The following PSMB7 variants were observed in gnomAD, a reference collection of about 807,000 sequenced individuals.
PSMB7 encodes proteasome subunit beta type-7.
In PSMB7, 5 loss-of-function variants were observed where a neutral mutation model predicts 28.1. That is an observed-to-expected ratio of 0.18 (90% CI 0.09 to 0.37). The LOEUF (loss-of-function observed/expected upper bound fraction) is 0.37. PSMB7 is among the 10% of genes least tolerant of loss of function. The pLI is 1.00. For synonymous variants in PSMB7, 122 were observed against 123.7 expected (o/e 0.99, Z 0.09); for missense variants, 275 against 346.2 (o/e 0.79, Z 1.63).
intron 7 of PSMB7, among the ~76,000 whole-genome samples, chr9:124,355,077 T>TGGGAAGGGCTCCCCTAACTC (rs1484105758): frequency 6.6e-6 from 1 of 152,208 alleles, no homozygotes; most frequent in African/African-American, 2.4e-5. Context: ...GCATCCACCC[T>TGGGAAGGGCTCCCCTAACTC]GGGAAGGGCT....
intron 5 of PSMB7, among the ~76,000 whole-genome samples, chr9:124,397,511 C>T (rs1588579434): frequency 1.3e-5 from 2 of 152,336 alleles, no homozygotes; most frequent in Admixed American, 1.3e-4. Context: ...AAATTAAGAG[C>T]AGCCTTCAGG....
intron 4 of PSMB7, among the ~76,000 whole-genome samples, chr9:124,408,632 T>C (rs961031637): frequency 3.3e-5 from 5 of 152,138 alleles, no homozygotes; most frequent in African/African-American, 1.2e-4. Context: ...GAGTTACAAG[T>C]ATTCAGAACT....
intron 6 of PSMB7, among the ~76,000 whole-genome samples, chr9:124,379,124 A>C (rs1830639720): frequency 1.3e-5 from 2 of 152,256 alleles, no homozygotes; most frequent in African/African-American, 4.8e-5. Flanking sequence ...ACATTGGTAC[A>C]GTGTCTGAAT....
intron 5 of PSMB7, among the ~76,000 whole-genome samples, chr9:124,396,540 G>T (rs1400243588): frequency 1.3e-5 from 2 of 152,182 alleles, no homozygotes; most frequent in African/African-American, 2.4e-5. Flanking sequence ...TTAGGAAACT[G>T]TATAACCAGT....
At chr9:124,395,302 C>T (rs1306572124) in intron 5 of PSMB7, among the ~76,000 whole-genome samples, 1 of 151,470 alleles carries the variant, frequency 6.6e-6, no homozygotes, top group Non-Finnish European at 1.5e-5. Context: ...CCGAAAAACA[C>T]AGTGAGACCC....
chr9:124,400,785 T>C (rs1371665475), intron 5 of PSMB7, among the ~76,000 whole-genome samples: 1 of 152,102 alleles, frequency 6.6e-6, no homozygotes, highest in Non-Finnish European at 1.5e-5. Flanking sequence ...AATCCAGAAA[T>C]TCCACTGCTA....
intron 6 of PSMB7, among the ~76,000 whole-genome samples, chr9:124,376,143 TCTTG>T (rs1163086810): frequency 4.9e-5 from 1 of 20,274 alleles, no homozygotes; most frequent in Non-Finnish European, 1.1e-4. Flanking sequence ...AATATGATAG[TCTTG>T]CTTATTTTTT....
chr9:124,359,664 C>T (rs1191626011), intron 6 of PSMB7, among the ~76,000 whole-genome samples: 4 of 152,206 alleles, frequency 2.6e-5, no homozygotes, highest in African/African-American at 9.6e-5. Flanking sequence ...GTGTCATTCA[C>T]GCCCCACCAC....
intron 5 of PSMB7, among the ~76,000 whole-genome samples, chr9:124,391,609 CTGTTA>C (rs1830788086): frequency 6.6e-6 from 1 of 150,506 alleles, no homozygotes; most frequent in Admixed American, 6.6e-5. Context: ...ACTCAAGTAT[CTGTTA>C]TAACAGCATT....
rs138056512 is a variant in PSMB7 at position 124,388,432 on chromosome 9, G to C, written c.512-3776C>G. Reference sequence around the variant, plus strand: ...CAGTCAGGAGGAGAAGGAAGCCAAAGAGAAGAACAAGGGCCTTCTGCTAAG... The same window carrying C: ...CAGTCAGGAGGAGAAGGAAGCCAAACAGAAGAACAAGGGCCTTCTGCTAAG... On this transcript the variant is annotated intron_variant, in intron 5 of 7. Transcript: ENST00000259457. Among the ~76,000 whole-genome samples, 586 of 152,348 alleles carry C rather than the reference G, an allele frequency of 3.8e-3. 3 individuals are homozygous for C. Among genetic ancestry groups the C allele is most frequent in the African/African-American group, 0.013 (528 of 41,576 alleles).
intron 5 of PSMB7, among the ~76,000 whole-genome samples, chr9:124,390,365 T>C (rs1048483013): frequency 1.3e-5 from 2 of 151,772 alleles, no homozygotes; most frequent in African/African-American, 4.8e-5. Flanking sequence ...AAGAAACACA[T>C]GGACAAGTAC....
At chr9:124,387,098 T>C (rs1489259193) in intron 5 of PSMB7, among the ~76,000 whole-genome samples, 2 of 152,026 alleles carry the variant, frequency 1.3e-5, no homozygotes, top group Non-Finnish European at 1.5e-5. Context: ...TACAAAACAT[T>C]AGCCGAGCAT....
intron 6 of PSMB7, 114 bp from the exon 7 acceptor site, chr9:124,357,029 T>C: frequency 1.8e-6 from 2 of 1,141,190 alleles, no homozygotes; most frequent in Non-Finnish European, 2.5e-6. Flanking sequence ...AGGTGTTGTT[T>C]TTAATGCCCA....
At chr9:124,401,256 C>T (rs1368095357) in intron 5 of PSMB7, among the ~76,000 whole-genome samples, 1 of 152,208 alleles carries the variant, frequency 6.6e-6, no homozygotes, top group African/African-American at 2.4e-5. Context: ...ATGTCACTTG[C>T]TCAGAAAGGA....
chr9:124,366,053 T>G (rs183523089), intron 6 of PSMB7, among the ~76,000 whole-genome samples: 72 of 152,282 alleles, frequency 4.7e-4, no homozygotes, highest in African/African-American at 1.7e-3. Flanking sequence ...GTGTGTGTGT[T>G]TGTGCCTTAG....
At chr9:124,396,954 A>T (rs1393150009) in intron 5 of PSMB7, 1 of 380,690 alleles carries the variant, frequency 2.6e-6, no homozygotes, top group African/African-American at 2.1e-5. Flanking sequence ...AAAGTCAAAA[A>T]ATCTTGCCTA....
intron 6 of PSMB7, among the ~76,000 whole-genome samples, chr9:124,375,009 C>T (rs1588571838): frequency 1.3e-5 from 2 of 151,598 alleles, no homozygotes; most frequent in South Asian, 2.1e-4. Context: ...GGCATGGTGG[C>T]GCACACCTGT....
At chr9:124,370,829 T>C (rs944921007) in intron 6 of PSMB7, among the ~76,000 whole-genome samples, 2 of 152,212 alleles carry the variant, frequency 1.3e-5, no homozygotes, top group Non-Finnish European at 2.9e-5. Flanking sequence ...ACATATATCA[T>C]GCAAACCTAC....
chr9:124,392,448 C>A (rs540448203), intron 5 of PSMB7, among the ~76,000 whole-genome samples: 1 of 152,136 alleles, frequency 6.6e-6, no homozygotes, highest in South Asian at 2.1e-4. Flanking sequence ...ATGATGCAAC[C>A]GGAAACCGAG....
Sources: allele counts gnomAD v4.1 joint callset (sites outside exome capture counted in the v4.1 genomes callset), GRCh38; gene constraint gnomAD v4.1.1; transcripts MANE v1.5; gene names NCBI Gene and HGNC (gene_info 2026-07-23, HGNC 2026-07-21).